IQCJ: variants seen among roughly 807,000 people sequenced by gnomAD.
IQCJ encodes the protein IQ motif containing J, also known as IQ domain-containing protein J.
A neutral mutation model predicts 11.0 loss-of-function variants in IQCJ; 9 were observed. The ratio of observed to expected loss-of-function variants is 0.82; its 90% CI spans 0.49 to 1.43. IQCJ has a LOEUF of 1.43. IQCJ is among the 40% of genes most tolerant of loss of function. The pLI is 0.00. For missense variants in IQCJ, 146 were observed against 133.2 expected, an observed-to-expected ratio of 1.10 and a Z score of -0.47; for synonymous variants, 55 against 51.3, an observed-to-expected ratio of 1.07 and a Z score of -0.31.
At chr3:159,180,738 T>C (rs1723047830) in intron 1 of IQCJ, among the ~76,000 whole-genome samples, 1 of 152,030 alleles carries the variant, frequency 6.6e-6, no homozygotes, top group South Asian at 2.1e-4. Flanking sequence ...GAGAGAAACA[T>C]GGGAAATTCA....
intron 2 of IQCJ, among the ~76,000 whole-genome samples, chr3:159,249,536 C>T (rs1164055181): frequency 6.6e-6 from 1 of 152,146 alleles, no homozygotes; most frequent in African/African-American, 2.4e-5. Flanking sequence ...GACCACCAGC[C>T]CTAACAACTA....
downstream of IQCJ, chr3:159,265,571 T>G: frequency 1.9e-6 from 1 of 529,344 alleles, no homozygotes; most frequent in Non-Finnish European, 3.3e-6. Context: ...CCCTGGGGAG[T>G]TCTTTATGCC....
At chr3:159,209,159 G>A (rs981871499) in intron 1 of IQCJ, among the ~76,000 whole-genome samples, 2 of 152,126 alleles carry the variant, frequency 1.3e-5, no homozygotes, top group South Asian at 4.1e-4. Flanking sequence ...AACTCCACTG[G>A]CAGAGGAACA....
At chr3:159,198,452 T>A (rs1577075030) in intron 1 of IQCJ, among the ~76,000 whole-genome samples, 2 of 152,130 alleles carry the variant, frequency 1.3e-5, no homozygotes, top group Non-Finnish European at 2.9e-5. Context: ...TAGGCTGACA[T>A]GAGGATGTGA....
intron 1 of IQCJ, among the ~76,000 whole-genome samples, chr3:159,163,757 C>G (rs1722010311): frequency 6.6e-6 from 1 of 152,110 alleles, no homozygotes; most frequent in Non-Finnish European, 1.5e-5. Context: ...GTAACTGAGG[C>G]AAAGAGTGTT....
At chr3:159,261,437 A>C (rs533776525) in intron 3 of IQCJ, among the ~76,000 whole-genome samples, 1 of 152,174 alleles carries the variant, frequency 6.6e-6, no homozygotes, top group South Asian at 2.1e-4. Flanking sequence ...CTTGAATTGT[A>C]ATGATCCCCA....
At chr3:159,071,270 TAGG>T (rs141822008) in intron 1 of IQCJ, among the ~76,000 whole-genome samples, 2,334 of 152,098 alleles carry the variant, frequency 0.015, 67 homozygotes, top group African/African-American at 0.053. Context: ...CATATTATAT[TAGG>T]AGCCATTAAA....
chr3:159,117,372 C>G (rs1719093561), intron 1 of IQCJ, among the ~76,000 whole-genome samples: 1 of 152,172 alleles, frequency 6.6e-6, no homozygotes, highest in African/African-American at 2.4e-5. Flanking sequence ...CGCTTCCGAC[C>G]CAGAACCTTT....
intron 1 of IQCJ, among the ~76,000 whole-genome samples, chr3:159,143,341 T>G (rs1337227217): frequency 6.6e-6 from 1 of 152,216 alleles, no homozygotes; most frequent in African/African-American, 2.4e-5. Context: ...TTCTTTCTAT[T>G]CTTGAAGAGC....
chr3:159,219,401 A>G (rs1027996151), intron 1 of IQCJ, among the ~76,000 whole-genome samples: 3 of 152,180 alleles, frequency 2.0e-5, no homozygotes, highest in Non-Finnish European at 4.4e-5. Flanking sequence ...TTTCAATTCT[A>G]TGACACATAA....
At chr3:159,221,471 A>G (rs1399047035) in intron 1 of IQCJ, among the ~76,000 whole-genome samples, 1 of 152,124 alleles carries the variant, frequency 6.6e-6, no homozygotes, top group African/African-American at 2.4e-5. Context: ...AAGGGCCTGA[A>G]GGTAATTGCC....
At chr3:159,136,128 T>C (rs1720276521) in intron 1 of IQCJ, among the ~76,000 whole-genome samples, 1 of 152,186 alleles carries the variant, frequency 6.6e-6, no homozygotes, top group Admixed American at 6.5e-5. Flanking sequence ...AGTATGTGTT[T>C]CATAGCTATG....
At chr3:159,221,691 T>G (rs1725555725) in intron 1 of IQCJ, among the ~76,000 whole-genome samples, 1 of 152,082 alleles carries the variant, frequency 6.6e-6, no homozygotes, top group African/African-American at 2.4e-5. Flanking sequence ...GGCCCTGCTG[T>G]CTCAACCCCT....
chr3:159,245,943 G>C, intron 2 of IQCJ, 36 bp downstream of exon 2: 1 of 1,453,358 alleles, frequency 6.9e-7, no homozygotes, highest in African/African-American at 1.4e-5. Context: ...CATCTGCAAG[G>C]TTGGAAAGCT....
chr3:159,117,970 A>C (rs752135126), intron 1 of IQCJ, among the ~76,000 whole-genome samples: 1 of 152,222 alleles, frequency 6.6e-6, no homozygotes, highest in Non-Finnish European at 1.5e-5. Context: ...GCTCTGCCTT[A>C]AGATGATCAA....
At chr3:159,159,755 T>C (rs747978360) in intron 1 of IQCJ, among the ~76,000 whole-genome samples, 2 of 152,168 alleles carry the variant, frequency 1.3e-5, no homozygotes, top group Non-Finnish European at 2.9e-5. Flanking sequence ...GGATCCCTCG[T>C]AAATGGTTTG....
In IQCJ at chr3:159,104,674, T is replaced by G. The variant is rs942983843; in HGVS notation, c.9+35233T>G. ...ACACCGTGCCATTCTAGCCATGGAA[T>G]GTCTTCTCTGCATTCCTCTAAAGAA... On this transcript the variant is annotated intron_variant, in intron 1 of 3. Coordinates refer to ENST00000397832, the MANE Select transcript of IQCJ (RefSeq NM_001042706.3). 6.6e-5 allele frequency among the ~76,000 whole-genome samples: 10 copies of G among 152,324 alleles called. No individual in the cohort carries two copies. The East Asian group carries it at 1.9e-3, about 29-fold the overall frequency.
intron 1 of IQCJ, among the ~76,000 whole-genome samples, chr3:159,111,175 C>CT (rs1401866089): frequency 1.3e-5 from 2 of 152,104 alleles, no homozygotes; most frequent in Non-Finnish European, 2.9e-5. Context: ...AGAACAAAAC[C>CT]TTTATGAATA....
intron 1 of IQCJ, among the ~76,000 whole-genome samples, chr3:159,127,681 G>A (rs962382476): frequency 4.6e-5 from 7 of 152,118 alleles, no homozygotes; most frequent in Admixed American, 3.9e-4. Flanking sequence ...AGAAGAAGTG[G>A]CAATTAGAGA....
Sources: gnomAD v4.1 joint callset for allele counts (sites outside exome capture counted in the v4.1 genomes callset) on GRCh38, gnomAD v4.1.1 for gene constraint, MANE v1.5 for transcripts, NCBI Gene and HGNC (gene_info 2026-07-23, HGNC 2026-07-21) for gene names.